The following GNG7 variants were observed in gnomAD, a reference collection of about 807,000 sequenced individuals.
GNG7 encodes guanine nucleotide-binding protein G(I)/G(S)/G(O) subunit gamma-7.
In GNG7, 1 loss-of-function variant was observed where a neutral mutation model predicts 4.0. The observed-to-expected ratio is 0.25, with a 90% confidence interval of 0.09 to 1.18. The LOEUF is 1.18. GNG7 is among the 50% of genes most tolerant of loss of function. The pLI, the probability that GNG7 is intolerant of heterozygous loss-of-function variation, is 0.50. For missense variants in GNG7, 86 were observed against 91.9 expected, an observed-to-expected ratio of 0.94 and a Z score of 0.26; for synonymous variants, 34 against 36.9, an observed-to-expected ratio of 0.92 and a Z score of 0.29.
chr19:2,596,162 C>T (rs1235010901), intron 2 of GNG7, among the ~76,000 whole-genome samples: 1 of 152,124 alleles, frequency 6.6e-6, no homozygotes, highest in Non-Finnish European at 1.5e-5. Flanking sequence ...AGTTTGGGAC[C>T]AGCATGGCCA....
intron 1 of GNG7, among the ~76,000 whole-genome samples, chr19:2,664,615 T>A (rs1983259013): frequency 6.6e-6 from 1 of 152,124 alleles, no homozygotes; most frequent in African/African-American, 2.4e-5. Flanking sequence ...GCACCCTCAG[T>A]GCTCTAGAGA....
intron 2 of GNG7, among the ~76,000 whole-genome samples, chr19:2,561,338 C>G (rs1979735200): frequency 6.6e-6 from 1 of 152,264 alleles, no homozygotes; most frequent in East Asian, 1.9e-4. Flanking sequence ...CAGCACCCTG[C>G]AGTGCCCAGG....
At chr19:2,648,778 G>A (rs1982732921) in intron 1 of GNG7, among the ~76,000 whole-genome samples, 1 of 152,206 alleles carries the variant, frequency 6.6e-6, no homozygotes, top group Admixed American at 6.5e-5. Context: ...GAAAGGGCTG[G>A]AGCGGCATGC....
intron 2 of GNG7, among the ~76,000 whole-genome samples, chr19:2,579,028 A>T (rs1980423920): frequency 6.6e-6 from 1 of 152,152 alleles, no homozygotes; most frequent in Non-Finnish European, 1.5e-5. Flanking sequence ...TGGGAGAGGG[A>T]GAGACGGTTA....
chr19:2,612,034 C>T (rs1981584965), intron 2 of GNG7, among the ~76,000 whole-genome samples: 1 of 151,928 alleles, frequency 6.6e-6, no homozygotes. Context: ...GCCACCACGC[C>T]CAGCTAATTT....
At chr19:2,613,326 T>C (rs1054564053) in intron 2 of GNG7, among the ~76,000 whole-genome samples, 5 of 152,204 alleles carry the variant, frequency 3.3e-5, no homozygotes, top group Non-Finnish European at 5.9e-5. Flanking sequence ...CTAAAGTCCA[T>C]TGTCTCAAGC....
intron 1 of GNG7, among the ~76,000 whole-genome samples, chr19:2,660,034 C>T (rs979118457): frequency 6.6e-6 from 1 of 152,144 alleles, no homozygotes; most frequent in African/African-American, 2.4e-5. Context: ...AGCCATCCTC[C>T]TCACCGAGGG....
At chr19:2,664,099 C>T (rs1048700613) in intron 1 of GNG7, among the ~76,000 whole-genome samples, 6 of 152,214 alleles carry the variant, frequency 3.9e-5, no homozygotes, top group Admixed American at 2.6e-4. Flanking sequence ...TATCCTCCAC[C>T]GCCCCCCAGG....
intron 1 of GNG7, among the ~76,000 whole-genome samples, chr19:2,677,659 G>A (rs1436540275): frequency 6.6e-6 from 1 of 152,148 alleles, no homozygotes; most frequent in Non-Finnish European, 1.5e-5. Context: ...CAGCCTCCTG[G>A]AACCTCAGGA....
In GNG7 at chr19:2,515,268, G is replaced by A. The variant is rs1204442861; in HGVS notation, c.82-121C>T. On this transcript the variant is annotated intron_variant, in intron 4 of 4. Transcript: ENST00000382159. ...AACAGCTCAGGAGCCCATTGATGGG[G>A]GCGTGGGCAAACAGTGCGGCCCGTC... 7 of 1,247,830 alleles carry A rather than the reference G, an allele frequency of 5.6e-6. No homozygotes were observed. In the East Asian group the frequency reaches 7.2e-5, roughly 13 times the overall value. 77.3% of individuals were successfully genotyped at this position (1,247,830 alleles called of 1,614,324 possible). A position where few individuals can be genotyped will look rare whatever the true frequency, so the allele number is the denominator to read the frequency against.
chr19:2,595,396 T>A (rs1031174640), intron 2 of GNG7: 6 of 151,822 alleles, frequency 4.0e-5, no homozygotes. Context: ...CCTCCCAAAG[T>A]GCTGGGATTA....
At chr19:2,613,554 G>A (rs1981633843) in intron 2 of GNG7, among the ~76,000 whole-genome samples, 1 of 152,210 alleles carries the variant, frequency 6.6e-6, no homozygotes. Flanking sequence ...TTCAATGTGT[G>A]CAGCCTCCTG....
At chr19:2,548,984 GCCA>G (rs543026302) in intron 3 of GNG7, among the ~76,000 whole-genome samples, 7 of 152,258 alleles carry the variant, frequency 4.6e-5, no homozygotes, top group Non-Finnish European at 1.0e-4. Flanking sequence ...GCAGGCTGAG[GCCA>G]CCAAAGGGTT....
chr19:2,653,265 C>T lies in GNG7; in HGVS notation c.-134-6985G>A, dbSNP rs143707191. Among the ~76,000 whole-genome samples, 1,562 of 152,294 alleles carry T rather than the reference C, an allele frequency of 0.01. 8 individuals carry two copies. Among genetic ancestry groups the T allele is most frequent in the Middle Eastern group, 0.024 (7 of 294 alleles). ...TTTATAGCCCAGTATCTCCAAGCAGCGCCCAAGGACACAAACAGCCAGACC... is the reference window on the plus strand; with the variant it reads ...TTTATAGCCCAGTATCTCCAAGCAGTGCCCAAGGACACAAACAGCCAGACC... On this transcript the variant is annotated intron_variant, in intron 1 of 4. Transcript: ENST00000382159. This position sits in a 1 kb window ranked among gnomAD's most constrained non-coding sequence, Gnocchi z 4.8.
chr19:2,656,526 G>C (rs1411699945), intron 1 of GNG7, among the ~76,000 whole-genome samples: 9 of 152,114 alleles, frequency 5.9e-5, no homozygotes. Flanking sequence ...CTTGAACCCA[G>C]GAGGCGGGGG....
intron 2 of GNG7, among the ~76,000 whole-genome samples, chr19:2,608,355 G>A (rs2873409): frequency 0.59 from 89,790 of 151,608 alleles, 27,095 homozygotes; most frequent in African/African-American, 0.73. Context: ...GCAAGGCAAG[G>A]CCTGCGGGCT....
chr19:2,645,765 C>T (rs1982648162), intron 2 of GNG7, among the ~76,000 whole-genome samples: 1 of 152,122 alleles, frequency 6.6e-6, no homozygotes, highest in African/African-American at 2.4e-5. Context: ...AAATGGTTTC[C>T]TCTTCCTACA....
chr19:2,568,172 CACAT>C (rs1351157366), intron 2 of GNG7, among the ~76,000 whole-genome samples: 4 of 151,014 alleles, frequency 2.6e-5, no homozygotes, highest in South Asian at 4.2e-4. Context: ...TACATACACA[CACAT>C]ACACACATGC....
intron 1 of GNG7, among the ~76,000 whole-genome samples, chr19:2,696,341 A>G (rs1462384141): frequency 6.8e-6 from 1 of 146,994 alleles, no homozygotes; most frequent in Non-Finnish European, 1.5e-5. Context: ...AAAGAAAGAA[A>G]GAAAGAAAAG....
Sources: gnomAD v4.1 joint callset for allele counts (sites outside exome capture counted in the v4.1 genomes callset) on GRCh38, gnomAD v4.1.1 for gene constraint, Gnocchi (gnomAD v3.1) non-coding constraint, MANE v1.5 for transcripts, NCBI Gene and HGNC (gene_info 2026-07-23, HGNC 2026-07-21) for gene names.